CILP2: variants seen among roughly 807,000 people sequenced by gnomAD.
The protein encoded by CILP2 is CILP-2.
Under a neutral mutation model 45.6 loss-of-function variants are expected in CILP2, and 38 were observed. The ratio of observed to expected loss-of-function variants is 0.83; its 90% CI spans 0.64 to 1.09. CILP2 has a LOEUF of 1.09. Ranked by LOEUF, CILP2 falls within the 50% of genes least tolerant of loss-of-function variation. The probability of loss-of-function intolerance (pLI) is 0.00; values close to 1 mark genes in which losing one functional copy is unlikely to be tolerated. For synonymous variants in CILP2, 780 were observed against 723.5 expected (o/e 1.08, Z -1.25); for missense variants, 1,735 against 1,662.2 (o/e 1.04, Z -0.76).
In CILP2 at chr19:19,546,178, T is replaced by A. The variant is rs948131499; in HGVS notation, c.*162T>A. 1 of 518,164 alleles carries A rather than the reference T, an allele frequency of 1.9e-6. No homozygotes were observed. 32.1% of individuals were successfully genotyped at this position (518,164 alleles called of 1,614,324 possible). On this transcript the variant is annotated 3_prime_UTR_variant, in exon 8 of 8. Transcript: ENST00000291495. ...TCAGACAAGAACCCAGAGCATCCGA[T>A]GGTAGAAACACCAGGAAGACAATTG... is the stretch of plus-strand genomic sequence containing the variant.
In CILP2 at chr19:19,544,438, C is replaced by T; in HGVS notation, c.1893C>T (p.Asp631=). The change falls in exon 8 of 8, where the codon GAC becomes GAT. Residue 631 remains aspartate (D), a synonymous_variant. Transcript: ENST00000291495. ...APSDLRFVDS[D]GELAPLRTYG... ...GTGACCTGCGCTTCGTGGACAGCGA[C>T]GGCGAGCTGGCTCCACTGCGCACCT... 4 of 1,609,850 alleles carry T rather than the reference C, an allele frequency of 2.5e-6. No homozygotes were observed. Among genetic ancestry groups the T allele is most frequent in the Non-Finnish European group, 3.4e-6 (4 of 1,179,678 alleles).
In CILP2 at chr19:19,543,336, A is replaced by T; in HGVS notation, c.1066A>T (p.Ile356Phe). The change falls in exon 7 of 8, where the codon ATC becomes TTC. Residue 356 changes from isoleucine to phenylalanine, a missense_variant. Coordinates refer to ENST00000291495, the MANE Select transcript of CILP2 (RefSeq NM_153221.2). ...LRGLRPDQAG[I>F]YHCKAWNEAG... ...GGGACTGCGCCCAGACCAGGCTGGC[A>T]TCTACCACTGCAAGGCATGGAATGA... 1 of 1,613,662 alleles carries T rather than the reference A, an allele frequency of 6.2e-7. No homozygotes were observed. The highest frequency in any genetic ancestry group is 8.5e-7 in the Non-Finnish European group (1 of 1,179,996).
rs1342093733 is a variant in CILP2, at chr19:19,544,123, C to T, written c.1578C>T (p.Asp526=). 2 of 1,613,784 alleles carry T rather than the reference C, an allele frequency of 1.2e-6. No homozygotes were observed. Among genetic ancestry groups the T allele is most frequent in the Non-Finnish European group, 1.7e-6 (2 of 1,180,036 alleles). The part of the protein sequence containing the change: ...STQRLVVTFV[D]PSGEFMDAVR... Reference sequence around the variant, plus strand: ...AGCGGCTGGTGGTGACTTTTGTGGACCCCAGCGGTGAGTTCATGGACGCTG... The same window carrying T: ...AGCGGCTGGTGGTGACTTTTGTGGATCCCAGCGGTGAGTTCATGGACGCTG... The change falls in exon 8 of 8, where the codon GAC becomes GAT. Residue 526 remains aspartate (D), a synonymous_variant. Coordinates refer to ENST00000291495, the MANE Select transcript of CILP2 (RefSeq NM_153221.2).
In CILP2 at chr19:19,544,517, G is replaced by T. The variant is rs766713472; in HGVS notation, c.1972G>T (p.Val658Leu). Residue 658 changes from valine (V) to leucine (L), a missense_variant, in exon 8 of 8, where the codon GTG (valine) becomes TTG (leucine). Physicochemically the swap from Val to Leu is conservative, Grantham distance 32. Coordinates refer to ENST00000291495, the MANE Select transcript of CILP2 (RefSeq NM_153221.2). ...RAPGSAEQLQ[V>L]GPVAVRVAAS... The stretch of plus-strand genomic sequence containing the variant: ...GCCCGGCTCCGCGGAGCAGCTGCAG[G>T]TGGGGCCGGTGGCCGTGCGGGTGGC... 6.3e-6 allele frequency: 10 copies of T among 1,595,446 alleles called. No homozygotes were observed. The highest frequency in any genetic ancestry group is 1.7e-4 in the Middle Eastern group (1 of 6,018).
rs771659906 is a variant in CILP2 at position 19,545,804 on chromosome 19, G to A, written c.3259G>A (p.Gly1087Ser). 27 of 1,593,908 alleles carry A rather than the reference G, an allele frequency of 1.7e-5. No homozygotes were observed. The highest frequency in any genetic ancestry group is 6.9e-5 in the Admixed American group (4 of 57,860). Reference protein sequence around the residue: ...IGRCFDGSSDGFSREMKADAG... With the variant: ...IGRCFDGSSDSFSREMKADAG... ...CCGCTGCTTTGATGGTTCCTCTGAC[G>A]GCTTCTCCAGAGAGATGAAGGCTGA... The change falls in exon 8 of 8, where the codon GGC becomes AGC. Residue 1087 changes from glycine (G) to serine (S), a missense_variant. By Grantham distance (56) the Gly-to-Ser change is moderately conservative. Coordinates refer to ENST00000291495, the MANE Select transcript of CILP2 (RefSeq NM_153221.2).
chr19:19,545,246 A>G lies in CILP2; in HGVS notation c.2701A>G (p.Arg901Gly). ...PVTASHFRFA[R>G]VEADKYEYNV... is the part of the protein sequence containing the mutation. ...GACTGCCAGCCACTTCCGCTTCGCC[A>G]GGGTGGAGGCGGACAAGTACGAGTA... Residue 901 changes from arginine to glycine, a missense_variant, in exon 8 of 8, where the codon AGG becomes GGG. Transcript: ENST00000291495. The G allele has an allele frequency of 6.2e-7, 1 of 1,612,338 alleles. No individual in the cohort carries two copies. Among genetic ancestry groups the G allele is most frequent in the Non-Finnish European group, 8.5e-7 (1 of 1,179,478 alleles).
chr19:19,544,867 C>T lies in CILP2; in HGVS notation c.2322C>T (p.Asn774=). 6.3e-7 allele frequency: 1 copy of T among 1,593,522 alleles called. No individual in the cohort carries two copies. ...AGCCCGCCCCCGGCTTCTCCGCCAA[C>T]CCCCGTGCCTGGGGCCGCTTTGACA... ...NLEPAPGFSA[N]PRAWGRFDSA... is the part of the protein sequence containing the mutation. The change falls in exon 8 of 8, where the codon AAC becomes AAT. Residue 774 remains asparagine, a synonymous_variant. Transcript: ENST00000291495.
In CILP2 at chr19:19,545,601, G is replaced by A. The variant is rs776406245; in HGVS notation, c.3056G>A (p.Arg1019Gln). 32 of 1,608,730 alleles carry A rather than the reference G, an allele frequency of 2.0e-5. No homozygotes were observed. The East Asian group carries it at 2.5e-4, about 12-fold the overall frequency. ...ACCATTATGCCCCAGGGCAGCTGCC[G>A]GCGCGTGGCCGTCAACGGACTCCTT... Reference protein sequence around the residue: ...LVTIMPQGSCRRVAVNGLLRD... With the variant: ...LVTIMPQGSCQRVAVNGLLRD... The change falls in exon 8 of 8, where the codon CGG becomes CAG. Residue 1019 changes from arginine to glutamine, a missense_variant. By Grantham distance (43) the Arg-to-Gln change is conservative (BLOSUM62 1). Transcript: ENST00000291495.
At position 19,544,282 on chromosome 19, in the gene CILP2, G is replaced by T. The variant is rs140028144; in HGVS notation, c.1737G>T (p.Ala579=). The change falls in exon 8 of 8, where the codon GCG becomes GCT. Residue 579 remains alanine (A), a synonymous_variant. Transcript: ENST00000291495. Reference sequence around the variant, plus strand: ...CCCTGGGCGAGCTGGAAGATGAGGCGCCCCTGGGCGAGCTGGTCCTGCCTT... The same window carrying T: ...CCCTGGGCGAGCTGGAAGATGAGGCTCCCCTGGGCGAGCTGGTCCTGCCTT... The part of the protein sequence containing the change: ...TIPLGELEDE[A]PLGELVLPSG... The T allele has an allele frequency of 2.2e-5, 36 of 1,613,180 alleles. No individual in the cohort carries two copies. The South Asian group carries it at 3.2e-4, about 14-fold the overall frequency.
chr19:19,538,827 A>T (rs11670775), intron 1 of CILP2, among the ~76,000 whole-genome samples: 1 of 152,192 alleles, frequency 6.6e-6, no homozygotes, highest in African/African-American at 2.4e-5. Flanking sequence ...AGACTGAGGC[A>T]CCCAGAAGGA....
chr19:19,544,409 C>A lies in CILP2; in HGVS notation c.1864C>A (p.Pro622Thr). ...PRDLTSAASA[P>T]SDLRFVDSDG... Reference sequence around the variant, plus strand: ...AGACCTCACCTCGGCGGCGTCTGCCCCCAGTGACCTGCGCTTCGTGGACAG... The same window carrying A: ...AGACCTCACCTCGGCGGCGTCTGCCACCAGTGACCTGCGCTTCGTGGACAG... Residue 622 changes from proline (P) to threonine (T), a missense_variant, in exon 8 of 8, where the codon CCC (proline) becomes ACC (threonine). Pro to Thr is a conservative substitution (Grantham distance 38, BLOSUM62 -1). Transcript: ENST00000291495. The A allele has an allele frequency of 6.2e-7, 1 of 1,610,606 alleles. No individual in the cohort carries two copies. Among genetic ancestry groups the A allele is most frequent in the South Asian group, 1.1e-5 (1 of 91,012 alleles).
At position 19,540,257 on chromosome 19, in the gene CILP2, G is replaced by A. The variant is rs1424166658; in HGVS notation, c.217G>A (p.Asp73Asn). 1 of 1,603,266 alleles carries A rather than the reference G, an allele frequency of 6.2e-7. No individual in the cohort carries two copies. The highest frequency in any genetic ancestry group is 1.7e-5 in the Admixed American group (1 of 59,640). ...CGTGGACCACCCCGGAGGCGACGGCGACTTCGAGAGCCTGGCTGCCATCCG... is the reference window on the plus strand; with the variant it reads ...CGTGGACCACCCCGGAGGCGACGGCAACTTCGAGAGCCTGGCTGCCATCCG... ...FNVDHPGGDG[D>N]FESLAAIRFY... The change falls in exon 3 of 8, where the codon GAC becomes AAC. Residue 73 changes from aspartate to asparagine, a missense_variant. Transcript: ENST00000291495.
chr19:19,542,073 T>A (rs866991669), intron 4 of CILP2, among the ~76,000 whole-genome samples: 102 of 152,268 alleles, frequency 6.7e-4, no homozygotes, highest in African/African-American at 2.3e-3. Flanking sequence ...GTCCAGACAT[T>A]TTCTCTTCTG....
At chr19:19,541,267 AGGCTGGGACCT>A (rs1385678364) in intron 4 of CILP2, 21 bp downstream of exon 4, 1 of 1,281,858 alleles carries the variant, frequency 7.8e-7, no homozygotes, top group African/African-American at 1.5e-5. Context: ...CGGGGTCTGG[AGGCTGGGACCT>A]GTACAGAGGG....
In CILP2 at chr19:19,546,019, T is replaced by C; in HGVS notation, c.*3T>C. 6.9e-7 allele frequency: 1 copy of C among 1,459,002 alleles called. No individual in the cohort carries two copies. Among genetic ancestry groups the C allele is most frequent in the Non-Finnish European group, 9.0e-7 (1 of 1,108,232 alleles). 90.4% of individuals were successfully genotyped at this position (1,459,002 alleles called of 1,614,324 possible). ...GCCGGGGTAGGGTCCGGCAGTGACC[T>C]GGGCAGGGGCCTCGCTTTCCCACCT... On this transcript the variant is annotated 3_prime_UTR_variant, in exon 8 of 8. Coordinates refer to ENST00000291495, the MANE Select transcript of CILP2 (RefSeq NM_153221.2).
rs150767917 is a variant in CILP2, at chr19:19,542,444, A to C, written c.662A>C (p.Gln221Pro). 5 of 1,612,400 alleles carry C rather than the reference A, an allele frequency of 3.1e-6. No homozygotes were observed. The African/African-American group carries it at 5.3e-5, about 17-fold the overall frequency. The change falls in exon 5 of 8, where the codon CAA becomes CCA. Residue 221 changes from glutamine to proline, a missense_variant. By Grantham distance (76) the Gln-to-Pro change is moderately conservative (BLOSUM62 -1). Coordinates refer to ENST00000291495, the MANE Select transcript of CILP2 (RefSeq NM_153221.2). ...LLGSVVTPSG[Q>P]PLLGARVSLR... is the part of the protein sequence containing the mutation. ...GGCTCGGTGGTCACCCCATCTGGGC[A>C]ACCACTGCTAGGAGCCAGGGTCTCC... is the stretch of plus-strand genomic sequence containing the variant.
At chr19:19,538,504 C>T (rs2061231050) in intron 1 of CILP2, 91 bp downstream of exon 1, 2 of 1,051,060 alleles carry the variant, frequency 1.9e-6, no homozygotes, top group Admixed American at 3.6e-5. Flanking sequence ...GGGAGAGAAC[C>T]CAGGGACCCA....
chr19:19,545,537 A>G lies in CILP2; in HGVS notation c.2992A>G (p.Met998Val). 1 of 1,612,578 alleles carries G rather than the reference A, an allele frequency of 6.2e-7. No individual in the cohort carries two copies. The highest frequency in any genetic ancestry group is 1.1e-5 in the South Asian group (1 of 91,052). The change falls in exon 8 of 8, where the codon ATG (methionine) becomes GTG (valine). Residue 998 changes from methionine to valine, a missense_variant. Coordinates refer to ENST00000291495, the MANE Select transcript of CILP2 (RefSeq NM_153221.2). ...AACVEFKCSGMLFDQRQVDRT... is the reference protein window; with the variant it reads ...AACVEFKCSGVLFDQRQVDRT... ...CTGCGTGGAGTTCAAGTGCAGCGGG[A>G]TGCTGTTCGACCAGCGGCAGGTGGA...
intron 3 of CILP2, 74 bp downstream of exon 3, chr19:19,540,550 T>C (rs1254793782): frequency 9.4e-5 from 7 of 74,078 alleles, no homozygotes; most frequent in Non-Finnish European, 1.5e-4. Context: ...AGAGTCGTGG[T>C]GGGTGGGGCT....
Sources: allele counts gnomAD v4.1 joint callset (sites outside exome capture counted in the v4.1 genomes callset), GRCh38; gene constraint gnomAD v4.1.1; transcripts MANE v1.5; gene names NCBI Gene and HGNC (gene_info 2026-07-23, HGNC 2026-07-21).